SOX5: variants seen among roughly 807,000 people sequenced by gnomAD.
SOX5 encodes transcription factor SOX-5.
In SOX5, 9 loss-of-function variants were observed where a neutral mutation model predicts 92.0. That is an observed-to-expected ratio of 0.10 (90% CI 0.06 to 0.17). SOX5 has a LOEUF of 0.17. Among genes scored for constraint, SOX5 ranks in the 10% least tolerant of loss-of-function variants. SOX5 has a pLI of 1.00. For missense variants in SOX5, 642 were observed against 944.5 expected (o/e 0.68, Z 4.20); for synonymous variants, 344 against 336.3 (o/e 1.02, Z -0.25).
At chr12:24,204,487 T>C (rs1449431952) in intron 4 of SOX5, among the ~76,000 whole-genome samples, 1 of 151,950 alleles carries the variant, frequency 6.6e-6, no homozygotes, top group African/African-American at 2.4e-5. Context: ...CACTACCATG[T>C]CTGACTAATT....
rs772638601 is a variant in SOX5, at chr12:23,846,092, C to T, written c.372G>A (p.Leu124=). The part of the protein sequence containing the change: ...EEGGRQSGES[L]SSTALGTPER... ...CAGGAGTTCCCAGGGCTGTACTAGA[C>T]AAGGACTCGCCACTCTGTCGCCCAC... The change falls in exon 3 of 15, where the codon TTG becomes TTA. Residue 124 remains leucine, a synonymous_variant. Coordinates refer to ENST00000451604, the MANE Select transcript of SOX5 (RefSeq NM_006940.6). The T allele has an allele frequency of 6.2e-7, 1 of 1,614,090 alleles. No homozygotes were observed. Among genetic ancestry groups the T allele is most frequent in the Admixed American group, 1.7e-5 (1 of 60,010 alleles).
chr12:24,511,555 C>T (rs1949303720), intron 1 of SOX5, among the ~76,000 whole-genome samples: 1 of 152,144 alleles, frequency 6.6e-6, no homozygotes, highest in Non-Finnish European at 1.5e-5. Flanking sequence ...TTACTAAGCA[C>T]CTAGCAGGAG....
chr12:23,917,152 A>C (rs1218912657), intron 1 of SOX5, among the ~76,000 whole-genome samples: 1 of 152,258 alleles, frequency 6.6e-6, no homozygotes, highest in Non-Finnish European at 1.5e-5. Context: ...TCACAATGCT[A>C]TATAATATAC....
intron 1 of SOX5, among the ~76,000 whole-genome samples, chr12:24,420,051 T>C (rs931202235): frequency 4.6e-5 from 7 of 152,234 alleles, no homozygotes; most frequent in African/African-American, 1.7e-4. Flanking sequence ...TACTTTTCCA[T>C]GCTTGAGGTG....
intron 4 of SOX5, among the ~76,000 whole-genome samples, chr12:24,093,770 T>C (rs1207019507): frequency 6.6e-6 from 1 of 151,606 alleles, no homozygotes; most frequent in Admixed American, 6.6e-5. Flanking sequence ...GCTGGTCCTA[T>C]AGTATGTGCT....
intron 1 of SOX5, among the ~76,000 whole-genome samples, chr12:24,420,904 GC>G (rs1965809093): frequency 6.6e-6 from 1 of 152,252 alleles, no homozygotes; most frequent in East Asian, 1.9e-4. Context: ...AGAGGAACAT[GC>G]TAAACCACAC....
chr12:24,528,715 T>A (rs1950926709), intron 1 of SOX5, among the ~76,000 whole-genome samples: 1 of 152,208 alleles, frequency 6.6e-6, no homozygotes, highest in South Asian at 2.1e-4. Flanking sequence ...CTTATCTATG[T>A]GACCTTGAAA....
intron 4 of SOX5, among the ~76,000 whole-genome samples, chr12:24,107,378 A>G (rs1430660769): frequency 1.3e-5 from 2 of 152,252 alleles, no homozygotes; most frequent in Non-Finnish European, 2.9e-5. Context: ...CCTTCTGAAT[A>G]TACCTCATTT....
chr12:24,404,379 A>G (rs1962446270), intron 1 of SOX5, among the ~76,000 whole-genome samples: 1 of 152,152 alleles, frequency 6.6e-6, no homozygotes, highest in Non-Finnish European at 1.5e-5. Flanking sequence ...GAACATTTGA[A>G]CCCTGGCATA....
chr12:23,855,214 A>AT (rs1219258476), intron 2 of SOX5, among the ~76,000 whole-genome samples: 1 of 151,958 alleles, frequency 6.6e-6, no homozygotes, highest in Non-Finnish European at 1.5e-5. Flanking sequence ...CCAGGGAAAG[A>AT]TTTTTTTAAT....
intron 4 of SOX5, among the ~76,000 whole-genome samples, chr12:24,098,158 G>A (rs1945651701): frequency 6.6e-6 from 1 of 152,066 alleles, no homozygotes; most frequent in Non-Finnish European, 1.5e-5. Flanking sequence ...AGTTTTCTAA[G>A]TCATTGTGAG....
chr12:24,090,620 G>A (rs1458692510), intron 4 of SOX5, among the ~76,000 whole-genome samples: 1 of 151,988 alleles, frequency 6.6e-6, no homozygotes, highest in Non-Finnish European at 1.5e-5. Flanking sequence ...TTACAGTATG[G>A]CCAAAATATA....
chr12:23,745,309 A>T (rs549067216), intron 4 of SOX5, among the ~76,000 whole-genome samples: 13 of 152,254 alleles, frequency 8.5e-5, no homozygotes, highest in African/African-American at 2.9e-4. Context: ...TTAAAATAGA[A>T]CTTTTAAAAT....
intron 6 of SOX5, among the ~76,000 whole-genome samples, chr12:23,724,299 C>T (rs774899080): frequency 5.9e-5 from 9 of 152,112 alleles, no homozygotes; most frequent in Non-Finnish European, 1.2e-4. Flanking sequence ...CACACATACA[C>T]ACAGGCCTCA....
chr12:23,834,799 C>G (rs1314923626), intron 3 of SOX5, among the ~76,000 whole-genome samples: 1 of 151,630 alleles, frequency 6.6e-6, no homozygotes, highest in Non-Finnish European at 1.5e-5. Flanking sequence ...GGATGGAAAT[C>G]AATGAAAAGT....
At chr12:23,848,983 G>A (rs1408025225) in intron 2 of SOX5, among the ~76,000 whole-genome samples, 1 of 152,072 alleles carries the variant, frequency 6.6e-6, no homozygotes, top group African/African-American at 2.4e-5. Flanking sequence ...TAACATAGCT[G>A]TCCTCATTAA....
At chr12:23,742,817 CTCCATT>C (rs2141024555) in intron 4 of SOX5, among the ~76,000 whole-genome samples, 1 of 152,204 alleles carries the variant, frequency 6.6e-6, no homozygotes, top group East Asian at 1.9e-4. Flanking sequence ...CATAGCAAGA[CTCCATT>C]TCTACAAAAT....
intron 7 of SOX5, among the ~76,000 whole-genome samples, chr12:23,642,947 C>A (rs1290012330): frequency 7.2e-6 from 1 of 138,740 alleles, no homozygotes; most frequent in Non-Finnish European, 1.6e-5. Context: ...ATTAGCCGGG[C>A]GTAGTGGCGG....
rs572010483 is a variant in SOX5 at position 24,118,033 on chromosome 12, A to G, written c.-2+95310T>C. ...GACTCTCATTCAAAAAAAAAAAAAA[A>G]AAAAAGAAAAAAAAAATCTGTCTCA... On this transcript the variant is annotated intron_variant, in intron 4 of 4. Transcript: ENST00000446891. Among the ~76,000 whole-genome samples the G allele has an allele frequency of 4.5e-4, 68 of 149,460 alleles. No individual in the cohort carries two copies. The East Asian group carries it at 7.4e-3, about 16-fold the overall frequency.
Sources: allele counts gnomAD v4.1 joint callset (sites outside exome capture counted in the v4.1 genomes callset), GRCh38; gene constraint gnomAD v4.1.1; transcripts MANE v1.5; gene names NCBI Gene and HGNC (gene_info 2026-07-23, HGNC 2026-07-21).